Variants in AGTPBP1 observed in about 807,000 individuals in gnomAD.
AGTPBP1 encodes cytosolic carboxypeptidase 1.
A neutral mutation model predicts 143.9 loss-of-function variants in AGTPBP1; 70 were observed. The observed-to-expected ratio is 0.49, with a 90% CI of 0.40 to 0.59. The LOEUF (loss-of-function observed/expected upper bound fraction) is 0.59. Ranked by LOEUF, AGTPBP1 falls within the 20% of genes least tolerant of loss-of-function variation. The pLI is 0.00. For synonymous variants in AGTPBP1, 463 were observed against 500.2 expected (o/e 0.93, Z 0.99); for missense variants, 1,229 against 1,464.5 (o/e 0.84, Z 2.62).
the AGTPBP1 span, among the ~76,000 whole-genome samples, chr9:85,798,594 C>CT: frequency 6.6e-6 from 1 of 152,098 alleles, no homozygotes; most frequent in African/African-American, 2.4e-5. Context: ...TCTCGAACTC[C>CT]TGACCTCTGG....
intron 2 of AGTPBP1, among the ~76,000 whole-genome samples, chr9:85,704,062 T>A (rs1445348043): frequency 6.6e-6 from 1 of 152,142 alleles, no homozygotes; most frequent in Non-Finnish European, 1.5e-5. Context: ...AAACTAAAGG[T>A]GGCCTTGGGC....
intron 13 of AGTPBP1, among the ~76,000 whole-genome samples, chr9:85,641,891 G>A (rs1832498506): frequency 1.3e-5 from 2 of 152,006 alleles, no homozygotes; most frequent in East Asian, 3.9e-4. Context: ...AAGAAACAGG[G>A]TTTTGCCATA....
chr9:85,683,260 C>G (rs17088869), intron 3 of AGTPBP1, among the ~76,000 whole-genome samples: 7,902 of 152,182 alleles, frequency 0.052, 539 homozygotes, highest in East Asian at 0.36. Flanking sequence ...ATAATGCAAC[C>G]TATCCTTTAC....
At chr9:85,774,126 C>G in the AGTPBP1 span, 1 of 922,710 alleles carries the variant, frequency 1.1e-6, no homozygotes, top group Non-Finnish European at 1.7e-6. Context: ...CTTAAAAGCT[C>G]AACATGTTTA....
chr9:85,680,352 G>A (rs1426756210), intron 4 of AGTPBP1, among the ~76,000 whole-genome samples: 1 of 152,180 alleles, frequency 6.6e-6, no homozygotes, highest in Non-Finnish European at 1.5e-5. Context: ...GGGAGGCCGA[G>A]GCAGGTGGAT....
the AGTPBP1 span, among the ~76,000 whole-genome samples, chr9:85,756,543 GGATA>G: frequency 4.2e-3 from 618 of 147,702 alleles, 9 homozygotes; most frequent in African/African-American, 0.014. Context: ...ATGGATAGAT[GGATA>G]GATAGATAGA....
At chr9:85,800,261 G>A in the AGTPBP1 span, among the ~76,000 whole-genome samples, 1 of 152,144 alleles carries the variant, frequency 6.6e-6, no homozygotes, top group African/African-American at 2.4e-5. Flanking sequence ...GGGGAGGCAG[G>A]ATCTCATTCT....
chr9:85,769,044 C>T, the AGTPBP1 span, among the ~76,000 whole-genome samples: 1 of 147,762 alleles, frequency 6.8e-6, no homozygotes, highest in Non-Finnish European at 1.5e-5. Flanking sequence ...GTGAGTGAGG[C>T]CCTGTCAAAA....
Position 85,586,870 on chromosome 9 carries a change from C to T in AGTPBP1, c.2994G>A (p.Gly998=), listed in dbSNP as rs762246308. ...TCACTGCAGCCAAGTATTGCAACAG[C>T]CCCTTAGCATGGTAAATTGTAGGAT... is the stretch of plus-strand genomic sequence containing the variant. ...DLHPTIYHAK[G]LLQYLAAVKR... is the part of the protein sequence containing the mutation. Residue 998 remains glycine, a synonymous_variant, in exon 22 of 26, where the codon GGG becomes GGA. Coordinates refer to ENST00000357081, the MANE Select transcript of AGTPBP1 (RefSeq NM_001330701.2). 3.1e-6 allele frequency: 5 copies of T among 1,613,966 alleles called. No homozygotes were observed. In the South Asian group the frequency reaches 4.4e-5, roughly 14 times the overall value.
At chr9:85,770,419 A>G in the AGTPBP1 span, 2 of 1,601,992 alleles carry the variant, frequency 1.2e-6, no homozygotes, top group African/African-American at 1.3e-5. Context: ...TGGTGAAGCA[A>G]ATGTCTTGGA....
chr9:85,698,849 C>T (rs369751189), intron 2 of AGTPBP1, among the ~76,000 whole-genome samples: 15 of 151,714 alleles, frequency 9.9e-5, no homozygotes, highest in African/African-American at 1.2e-4. Flanking sequence ...CCTGCAACCA[C>T]GCCCAGCTCA....
At chr9:85,706,576 A>G (rs115937042) in intron 2 of AGTPBP1, among the ~76,000 whole-genome samples, 3,320 of 151,372 alleles carry the variant, frequency 0.022, 35 homozygotes, top group South Asian at 0.036. Context: ...CACATTAAAT[A>G]TAGAAGATCT....
At position 85,681,331 on chromosome 9, in the gene AGTPBP1, T is replaced by C. The variant is rs1160214073; in HGVS notation, c.162A>G (p.Lys54=). 6.2e-7 allele frequency: 1 copy of C among 1,611,508 alleles called. No homozygotes were observed. Among genetic ancestry groups the C allele is most frequent in the Admixed American group, 1.7e-5 (1 of 59,420 alleles). The change falls in exon 4 of 26, where the codon AAA becomes AAG. Residue 54 remains lysine, a synonymous_variant. Coordinates refer to ENST00000357081, the MANE Select transcript of AGTPBP1 (RefSeq NM_001330701.2). ...CTTTGGCTGTCATTTCTCTCCTTGT[T>C]TTTTCTGAAAAGTAGCAAACAATTT... The part of the protein sequence containing the change: ...KILHLAQSQE[K]TRREMTAKGS...
chr9:85,685,875 G>A (rs1196121260), intron 3 of AGTPBP1, among the ~76,000 whole-genome samples: 1 of 151,888 alleles, frequency 6.6e-6, no homozygotes, highest in African/African-American at 2.4e-5. Flanking sequence ...TTTACATGAA[G>A]TAACAATAAT....
intron 1 of AGTPBP1, among the ~76,000 whole-genome samples, chr9:85,728,778 A>AT (rs918415848): frequency 5.8e-4 from 88 of 152,144 alleles, no homozygotes; most frequent in African/African-American, 1.9e-3. Context: ...CCAATCAGAA[A>AT]AAAAAAAAAA....
chr9:85,651,491 T>C (rs1370304342), intron 11 of AGTPBP1, among the ~76,000 whole-genome samples: 1 of 152,206 alleles, frequency 6.6e-6, no homozygotes, highest in Admixed American at 6.5e-5. Flanking sequence ...TTAGCTAACA[T>C]GTTTCATAAT....
At chr9:85,674,904 T>C (rs1029074024) in intron 6 of AGTPBP1, among the ~76,000 whole-genome samples, 1 of 152,038 alleles carries the variant, frequency 6.6e-6, no homozygotes, top group African/African-American at 2.4e-5. Flanking sequence ...AAAACTCTTT[T>C]TTTTCTTTTT....
intron 2 of AGTPBP1, among the ~76,000 whole-genome samples, chr9:85,694,489 G>C (rs1025743149): frequency 2.0e-5 from 3 of 152,128 alleles, no homozygotes; most frequent in Non-Finnish European, 4.4e-5. Context: ...AAAGCATCCT[G>C]TGGTCACTTC....
At chr9:85,587,085 T>C (rs947953412) in intron 21 of AGTPBP1, 125 bp from the exon 22 acceptor site, 7 of 1,193,720 alleles carry the variant, frequency 5.9e-6, no homozygotes, top group African/African-American at 1.5e-5. Context: ...GCATTTCAAA[T>C]AGGTATAGAT....
Sources: allele counts gnomAD v4.1 joint callset (sites outside exome capture counted in the v4.1 genomes callset), GRCh38; gene constraint gnomAD v4.1.1; transcripts MANE v1.5; gene names NCBI Gene and HGNC (gene_info 2026-07-23, HGNC 2026-07-21).